SH3PXD2A: variants seen among roughly 807,000 people sequenced by gnomAD.
The protein encoded by SH3PXD2A is SH3 and PX domain-containing protein 2A.
SH3PXD2A carries 32 observed loss-of-function variants against 115.2 expected under a neutral mutation model. That is an observed-to-expected ratio of 0.28 (90% CI 0.21 to 0.37). SH3PXD2A has a LOEUF of 0.37. Ranked by LOEUF, SH3PXD2A falls within the 10% of genes least tolerant of loss-of-function variation. The pLI, the probability that SH3PXD2A is intolerant of heterozygous loss-of-function variation, is 1.00. For missense variants in SH3PXD2A, 1,328 were observed against 1,498.7 expected, an observed-to-expected ratio of 0.89 and a Z score of 1.88; for synonymous variants, 610 against 629.1, an observed-to-expected ratio of 0.97 and a Z score of 0.45.
At chr10:103,676,448 C>T (rs1564861089) in intron 6 of SH3PXD2A, among the ~76,000 whole-genome samples, 1 of 152,298 alleles carries the variant, frequency 6.6e-6, no homozygotes, top group East Asian at 1.9e-4. Flanking sequence ...TAGGCCAAGC[C>T]TGGGGCCAGA....
rs34818569 is a variant in SH3PXD2A, at chr10:103,644,585, CA to C, written c.604+16397del. 1.5e-3 allele frequency among the ~76,000 whole-genome samples: 156 copies of C among 102,514 alleles called. No homozygotes were observed. In the Middle Eastern group the frequency reaches 0.017, roughly 11 times the overall value. 67.3% of individuals were successfully genotyped at this position (102,514 alleles called of 152,430 possible). On this transcript the variant is annotated intron_variant, in intron 8 of 14. Transcript: ENST00000369774. ...TGGGCGACAGAGTGAGACCAAGTCTCAAAAAAAAAAAAAAAAAAAGTCTCCA... is the reference window on the plus strand; with the variant it reads ...TGGGCGACAGAGTGAGACCAAGTCTCAAAAAAAAAAAAAAAAAAGTCTCCA...
intron 5 of SH3PXD2A, among the ~76,000 whole-genome samples, 180 bp downstream of exon 5, chr10:103,724,090 T>A (rs2038212362): frequency 6.6e-6 from 1 of 152,214 alleles, no homozygotes; most frequent in South Asian, 2.1e-4. Flanking sequence ...AAGAGTGGGC[T>A]CTGGCACTAG....
chr10:103,777,873 C>G (rs1244594770), intron 2 of SH3PXD2A, among the ~76,000 whole-genome samples: 1 of 152,126 alleles, frequency 6.6e-6, no homozygotes, highest in Non-Finnish European at 1.5e-5. Context: ...AATGCTGGAC[C>G]TGCCTGTCTC....
intron 3 of SH3PXD2A, among the ~76,000 whole-genome samples, chr10:103,742,457 T>C (rs2038454716): frequency 6.6e-6 from 1 of 152,226 alleles, no homozygotes; most frequent in South Asian, 2.1e-4. Context: ...TTTTAAGATC[T>C]TTGATTACAT....
At chr10:103,761,457 T>A (rs1038927958) in intron 3 of SH3PXD2A, among the ~76,000 whole-genome samples, 3 of 152,242 alleles carry the variant, frequency 2.0e-5, no homozygotes, top group Non-Finnish European at 4.4e-5. Context: ...TGTTAGATCA[T>A]AATTAAAGGA....
intron 5 of SH3PXD2A, among the ~76,000 whole-genome samples, chr10:103,701,010 T>C (rs1206232279): frequency 6.9e-5 from 5 of 72,088 alleles, no homozygotes; most frequent in Admixed American, 3.0e-4. Flanking sequence ...TCTATCCATC[T>C]ATCCATCCAC....
At chr10:103,724,508 C>T (rs568846390) in intron 4 of SH3PXD2A, 147 bp from the exon 5 acceptor site, 7 of 519,498 alleles carry the variant, frequency 1.3e-5, no homozygotes, top group Non-Finnish European at 2.4e-5. Flanking sequence ...CACCTGTCCA[C>T]CCAGAAAACT....
At chr10:103,613,958 T>C (rs933137632) in intron 11 of SH3PXD2A, among the ~76,000 whole-genome samples, 2 of 152,182 alleles carry the variant, frequency 1.3e-5, no homozygotes, top group Non-Finnish European at 2.9e-5. Flanking sequence ...AGATGCATTA[T>C]TCAATAAGTG....
intron 1 of SH3PXD2A, among the ~76,000 whole-genome samples, chr10:103,807,058 G>T (rs2039212200): frequency 6.6e-6 from 1 of 152,244 alleles, no homozygotes; most frequent in Admixed American, 6.5e-5. Flanking sequence ...CCCAGTGGGT[G>T]CTTCTGTCCT....
At position 103,759,661 on chromosome 10, in the gene SH3PXD2A, T is replaced by C. The variant is rs116773385; in HGVS notation, c.229+7433A>G. 1.4e-3 allele frequency among the ~76,000 whole-genome samples: 206 copies of C among 152,330 alleles called. 1 individual carries two copies. The highest frequency in any genetic ancestry group is 4.8e-3 in the African/African-American group (201 of 41,578). On this transcript the variant is annotated intron_variant, in intron 3 of 14. Coordinates refer to ENST00000369774, the MANE Select transcript of SH3PXD2A (RefSeq NM_001394015.1). Reference sequence around the variant, plus strand: ...ATCAGCAGCTACACACTCTACTTCATGTCGTAATGACCATTTCCTCTCAGG... The same window carrying C: ...ATCAGCAGCTACACACTCTACTTCACGTCGTAATGACCATTTCCTCTCAGG...
At chr10:103,687,514 A>G (rs1295236643) in intron 6 of SH3PXD2A, among the ~76,000 whole-genome samples, 1 of 152,122 alleles carries the variant, frequency 6.6e-6, no homozygotes, top group Non-Finnish European at 1.5e-5. Context: ...CTTGAGGCCC[A>G]CATCCAATCA....
rs2134337320 is a variant in SH3PXD2A, at chr10:103,855,289, G to T, written c.-23C>A. ...CATCTTCCCCCACAAAGCGAGTGGC[G>T]CCCCCGGCGGCGTCACCTTCTCATC... On this transcript the variant is annotated 5_prime_UTR_variant, in exon 1 of 15. Coordinates refer to ENST00000369774, the MANE Select transcript of SH3PXD2A (RefSeq NM_001394015.1). 1.3e-6 allele frequency: 2 copies of T among 1,495,220 alleles called. No individual in the cohort carries two copies. The highest frequency in any genetic ancestry group is 2.8e-5 in the East Asian group (1 of 35,984). The allele number at this position is 1,495,220 out of a possible 1,614,324, so 92.6% of individuals were successfully genotyped here.
intron 1 of SH3PXD2A, among the ~76,000 whole-genome samples, chr10:103,854,157 C>T (rs1306668608): frequency 6.6e-6 from 1 of 152,190 alleles, no homozygotes; most frequent in African/African-American, 2.4e-5. Flanking sequence ...CCCTTTGCAA[C>T]AGTGGAAGAA....
At chr10:103,759,228 CT>C (rs1282692442) in intron 3 of SH3PXD2A, among the ~76,000 whole-genome samples, 2 of 152,176 alleles carry the variant, frequency 1.3e-5, no homozygotes, top group African/African-American at 4.8e-5. Context: ...CAAACTGCCT[CT>C]TCATTACAGG....
At chr10:103,816,035 A>G (rs1418109313) in intron 1 of SH3PXD2A, among the ~76,000 whole-genome samples, 1 of 152,170 alleles carries the variant, frequency 6.6e-6, no homozygotes, top group African/African-American at 2.4e-5. Context: ...AAAGGATACA[A>G]ATTTCCAGTA....
chr10:103,708,280 G>A (rs1378141413), intron 5 of SH3PXD2A, among the ~76,000 whole-genome samples: 1 of 152,168 alleles, frequency 6.6e-6, no homozygotes, highest in South Asian at 2.1e-4. Context: ...GCCTCAGCTC[G>A]GGTCCCCAAG....
intron 5 of SH3PXD2A, among the ~76,000 whole-genome samples, chr10:103,704,785 G>A (rs1053941168): frequency 1.3e-5 from 2 of 152,158 alleles, no homozygotes; most frequent in African/African-American, 4.8e-5. Context: ...TGTAAAGGAC[G>A]GGGTCTAGGG....
intron 8 of SH3PXD2A, among the ~76,000 whole-genome samples, chr10:103,629,704 T>C (rs944569444): frequency 4.6e-5 from 7 of 152,234 alleles, no homozygotes; most frequent in African/African-American, 1.7e-4. Flanking sequence ...TTTGTTGACA[T>C]GGTGGAAGGG....
intron 2 of SH3PXD2A, among the ~76,000 whole-genome samples, chr10:103,780,373 T>C (rs898763334): frequency 4.6e-5 from 7 of 152,252 alleles, no homozygotes; most frequent in Non-Finnish European, 1.0e-4. Flanking sequence ...CAGAACCTTC[T>C]TCCTCCAAAG....
Sources: gnomAD v4.1 joint callset for allele counts (sites outside exome capture counted in the v4.1 genomes callset) on GRCh38, gnomAD v4.1.1 for gene constraint, MANE v1.5 for transcripts, NCBI Gene and HGNC (gene_info 2026-07-23, HGNC 2026-07-21) for gene names.